ZNF317: variants seen among roughly 807,000 people sequenced by gnomAD.
The protein encoded by ZNF317 is KRAB-containing zinc finger protein 317.
ZNF317 carries 17 observed loss-of-function variants against 23.4 expected under a neutral mutation model. The ratio of observed to expected loss-of-function variants is 0.73; its 90% CI spans 0.50 to 1.09. ZNF317 has a LOEUF of 1.09. Among genes scored for constraint, ZNF317 ranks in the 50% least tolerant of loss-of-function variants. The pLI is 0.00. For missense variants in ZNF317, 679 were observed against 796.7 expected, an observed-to-expected ratio of 0.85 and a Z score of 1.78; for synonymous variants, 317 against 314.9, an observed-to-expected ratio of 1.01 and a Z score of -0.07.
rs1006089833 is a variant in ZNF317 at position 9,156,032 on chromosome 19, CCCA to C, written c.18_20del (p.Thr7del). 1.2e-6 allele frequency: 2 copies of C among 1,614,038 alleles called. No homozygotes were observed. Among genetic ancestry groups the C allele is most frequent in the African/African-American group, 2.7e-5 (2 of 74,914 alleles). On this transcript the variant is annotated inframe_deletion, in exon 2 of 7. Transcript: ENST00000247956. Reference sequence around the variant, plus strand: ...TTCTCTGAGGATGGCAGCTCTGTCCCCCACATTTGGTAAGTTCTTGGGTCAGTG... The same window carrying C: ...TTCTCTGAGGATGGCAGCTCTGTCCCCATTTGGTAAGTTCTTGGGTCAGTG...
At chr19:9,154,414 C>T (rs1382961378) in intron 1 of ZNF317, among the ~76,000 whole-genome samples, 2 of 148,712 alleles carry the variant, frequency 1.3e-5, no homozygotes, top group South Asian at 2.1e-4. Flanking sequence ...AAGAAACCCC[C>T]TTTTTTTTTT....
intron 1 of ZNF317, among the ~76,000 whole-genome samples, chr19:9,154,942 A>G (rs1445716327): frequency 6.6e-6 from 1 of 152,214 alleles, no homozygotes; most frequent in East Asian, 1.9e-4. Flanking sequence ...TGACTATGAT[A>G]TTCAACACCA....
intron 1 of ZNF317, among the ~76,000 whole-genome samples, chr19:9,147,100 T>C (rs1007501015): frequency 2.0e-5 from 3 of 152,100 alleles, no homozygotes; most frequent in Non-Finnish European, 4.4e-5. Flanking sequence ...CTTCCTTAAA[T>C]ACCACACTCT....
chr19:9,145,601 AT>A (rs1310392611), intron 1 of ZNF317, among the ~76,000 whole-genome samples: 1 of 152,088 alleles, frequency 6.6e-6, no homozygotes, highest in Non-Finnish European at 1.5e-5. Context: ...TGTGCTTAAG[AT>A]TTTATCTCTC....
Position 9,156,622 on chromosome 19 carries a change from C to T in ZNF317, c.36C>T (p.Thr12=). 6.2e-7 allele frequency: 1 copy of T among 1,613,956 alleles called. No individual in the cohort carries two copies. The highest frequency in any genetic ancestry group is 8.5e-7 in the Non-Finnish European group (1 of 1,179,910). The change falls in exon 3 of 7, where the codon ACC becomes ACT. Residue 12 remains threonine, a synonymous_variant. Coordinates refer to ENST00000247956, the MANE Select transcript of ZNF317 (RefSeq NM_020933.5). ...TGTTTTCTCCTCCAGCCACGTCCACCCAGGATTCCACCTGTCTCCAGGACT... is the reference window on the plus strand; with the variant it reads ...TGTTTTCTCCTCCAGCCACGTCCACTCAGGATTCCACCTGTCTCCAGGACT... ...AALSPTFATS[T]QDSTCLQDSE...
At chr19:9,147,862 T>G (rs953330159) in intron 1 of ZNF317, among the ~76,000 whole-genome samples, 18 of 152,084 alleles carry the variant, frequency 1.2e-4, no homozygotes, top group African/African-American at 4.3e-4. Flanking sequence ...CATATGGAAA[T>G]GTAATTCCCA....
At position 9,161,554 on chromosome 19, in the gene ZNF317, A is replaced by C; in HGVS notation, c.*121A>C. On this transcript the variant is annotated 3_prime_UTR_variant, in exon 7 of 7. Coordinates refer to ENST00000247956, the MANE Select transcript of ZNF317 (RefSeq NM_020933.5). This position sits in a 1 kb window ranked among gnomAD's most constrained non-coding sequence, Gnocchi z 4.0. ...AAAAGAATCCACGGAACTTGGGAGA[A>C]GTCCAGTTCCTGTAAAAACTGGGAA... The C allele has an allele frequency of 7.0e-7, 1 of 1,432,590 alleles. No homozygotes were observed. Among genetic ancestry groups the C allele is most frequent in the Non-Finnish European group, 9.4e-7 (1 of 1,068,870 alleles). 88.7% of individuals were successfully genotyped at this position (1,432,590 alleles called of 1,614,324 possible). A position where few individuals can be genotyped will look rare whatever the true frequency, so the allele number is the denominator to read the frequency against.
At position 9,163,030 on chromosome 19, in the gene ZNF317, C is replaced by G. The variant is rs1168417636; in HGVS notation, c.*1597C>G. The G allele has an allele frequency of 2.6e-5, 4 of 152,302 alleles. No homozygotes were observed. The highest frequency in any genetic ancestry group is 2.6e-4 in the Admixed American group (4 of 15,294). The allele number at this position is 152,302 out of a possible 1,614,324, so 9.4% of individuals were successfully genotyped here. A position where few individuals can be genotyped will look rare whatever the true frequency, so the allele number is the denominator to read the frequency against. On this transcript the variant is annotated 3_prime_UTR_variant, in exon 7 of 7. Transcript: ENST00000247956. The stretch of plus-strand genomic sequence containing the variant: ...TGTCAGATTAGTAAGGTGTGCTAAT[C>G]TAAATTTTAAAAAATCTCTTACAGG...
At chr19:9,140,640 AC>A (rs1387294697) in intron 1 of ZNF317, 48 bp downstream of exon 1, 1 of 451,884 alleles carries the variant, frequency 2.2e-6, no homozygotes, top group Admixed American at 2.4e-5. Context: ...TCCAGGGGTC[AC>A]GGGAGGCCTA....
rs993703150 is a variant in ZNF317, at chr19:9,160,935, G to T, written c.1290G>T (p.Gln430His). 2 of 1,614,030 alleles carry T rather than the reference G, an allele frequency of 1.2e-6. No individual in the cohort carries two copies. Among genetic ancestry groups the T allele is most frequent in the African/African-American group, 2.7e-5 (2 of 74,912 alleles). ...CRQCGKTFRN[Q>H]SILKTHMNSH... is the part of the protein sequence containing the mutation. ...AGTGCGGGAAGACCTTCCGAAACCA[G>T]TCCATCCTTAAGACTCACATGAACT... Residue 430 changes from glutamine to histidine, a missense_variant, in exon 7 of 7, where the codon CAG (glutamine) becomes CAT (histidine). Physicochemically the swap from Gln to His is conservative, Grantham distance 24. Transcript: ENST00000247956. This position sits in a 1 kb window ranked among gnomAD's most constrained non-coding sequence, Gnocchi z 6.8.
At position 9,156,015 on chromosome 19, in the gene ZNF317, G is replaced by A. The variant is rs751925916; in HGVS notation, c.-2G>A. ...AGGCAAACTGACTGCCATTCTCTGA[G>A]GATGGCAGCTCTGTCCCCCACATTT... On this transcript the variant is annotated 5_prime_UTR_variant, in exon 2 of 7. Coordinates refer to ENST00000247956, the MANE Select transcript of ZNF317 (RefSeq NM_020933.5). 3 of 1,614,074 alleles carry A rather than the reference G, an allele frequency of 1.9e-6. No homozygotes were observed. The highest frequency in any genetic ancestry group is 2.2e-5 in the East Asian group (1 of 44,882).
Position 9,156,933 on chromosome 19 carries a change from G to A in ZNF317, c.162+185G>A, listed in dbSNP as rs2050790155. 4 of 768,098 alleles carry A rather than the reference G, an allele frequency of 5.2e-6. No homozygotes were observed. The Admixed American group carries it at 8.9e-5, about 17-fold the overall frequency. The allele number at this position is 768,098 out of a possible 1,614,324, so 47.6% of individuals were successfully genotyped here. A position where few individuals can be genotyped will look rare whatever the true frequency, so the allele number is the denominator to read the frequency against. ...GAAGTTAGGGGAAGTGATTTATGTA[G>A]CATCTGTTTCCCTCATGCTTGCAAA... On this transcript the variant is annotated intron_variant, in intron 3 of 6. Transcript: ENST00000247956.
chr19:9,160,846 G>A lies in ZNF317; in HGVS notation c.1201G>A (p.Asp401Asn), dbSNP rs761191518. The change falls in exon 7 of 7, where the codon GAT (aspartate) becomes AAT (asparagine). Residue 401 changes from aspartate to asparagine, a missense_variant. Transcript: ENST00000247956. The surrounding 1 kb of genome is among the most constrained non-coding windows in gnomAD (Gnocchi z 6.8). ...ECKECGKSFG[D>N]LVSRRKHMRI... ...TAAAGAATGCGGGAAATCCTTTGGC[G>A]ATCTCGTGTCCCGGAGGAAACACAT... The A allele has an allele frequency of 1.9e-5, 30 of 1,614,056 alleles. No homozygotes were observed. Among genetic ancestry groups the A allele is most frequent in the Non-Finnish European group, 2.5e-5 (29 of 1,180,034 alleles).
intron 3 of ZNF317, 97 bp from the exon 4 acceptor site, chr19:9,157,171 G>A: frequency 6.7e-7 from 1 of 1,486,600 alleles, no homozygotes; most frequent in Non-Finnish European, 9.2e-7. Context: ...GAAATCCTGT[G>A]TTGGGTCTCT....
chr19:9,156,061 CGTGCCCTGAGAAAGTGA>C lies in ZNF317; in HGVS notation c.25+25_25+41del. On this transcript the variant is annotated intron_variant, in intron 2 of 6. Coordinates refer to ENST00000247956, the MANE Select transcript of ZNF317 (RefSeq NM_020933.5). ...CATTTGGTAAGTTCTTGGGTCAGTG[CGTGCCCTGAGAAAGTGA>C]GTGCAAGTGGCCCCTGCCACTTGAT... 6.2e-7 allele frequency: 1 copy of C among 1,613,992 alleles called. No homozygotes were observed. The highest frequency in any genetic ancestry group is 8.5e-7 in the Non-Finnish European group (1 of 1,179,970).
rs761815378 is a variant in ZNF317, at chr19:9,161,349, C to T, written c.1704C>T (p.Ser568=). ...GCCTTGTCTGCGGGAAAGCCTTCAG[C>T]GACCACTCATCCCTCAGGAGCCACG... ...YECLVCGKAF[S]DHSSLRSHVK... Residue 568 remains serine (S), a synonymous_variant, in exon 7 of 7, where the codon AGC becomes AGT. Coordinates refer to ENST00000247956, the MANE Select transcript of ZNF317 (RefSeq NM_020933.5). The surrounding 1 kb of genome is among the most constrained non-coding windows in gnomAD (Gnocchi z 4.0). 6.8e-6 allele frequency: 11 copies of T among 1,614,202 alleles called. No homozygotes were observed. The highest frequency in any genetic ancestry group is 1.1e-5 in the South Asian group (1 of 91,086).
chr19:9,161,000 G>C lies in ZNF317; in HGVS notation c.1355G>C (p.Gly452Ala). 6.2e-7 allele frequency: 1 copy of C among 1,614,222 alleles called. No individual in the cohort carries two copies. The stretch of plus-strand genomic sequence containing the variant: ...AAACCATACGGGTGCGATCTCTGCG[G>C]GAAAGCTTTCAGCGCGAGTTCAAAC... ...GEKPYGCDLC[G>A]KAFSASSNLT... Residue 452 changes from glycine to alanine, a missense_variant, in exon 7 of 7, where the codon GGG (glycine) becomes GCG (alanine). By Grantham distance (60) the Gly-to-Ala change is moderately conservative (BLOSUM62 0). Transcript: ENST00000247956. The surrounding 1 kb of genome is among the most constrained non-coding windows in gnomAD (Gnocchi z 6.8).
chr19:9,147,841 C>A (rs374896137), intron 1 of ZNF317, among the ~76,000 whole-genome samples: 2 of 152,158 alleles, frequency 1.3e-5, no homozygotes, highest in African/African-American at 4.8e-5. Context: ...CCCCTCCCCC[C>A]CTCCAAATCT....
At position 9,160,575 on chromosome 19, in the gene ZNF317, G is replaced by C. The variant is rs770416833; in HGVS notation, c.930G>C (p.Gln310His). 6.2e-7 allele frequency: 1 copy of C among 1,614,196 alleles called. No homozygotes were observed. The highest frequency in any genetic ancestry group is 8.5e-7 in the Non-Finnish European group (1 of 1,180,038). Residue 310 changes from glutamine (Q) to histidine (H), a missense_variant, in exon 7 of 7, where the codon CAG (glutamine) becomes CAC (histidine). Coordinates refer to ENST00000247956, the MANE Select transcript of ZNF317 (RefSeq NM_020933.5). The surrounding 1 kb of genome is among the most constrained non-coding windows in gnomAD (Gnocchi z 6.8). ...GCGAGAGGCCTTACAAGTGTGATCA[G>C]TGCGGGAAGGCTTACGGCCGGAGCT... is the stretch of plus-strand genomic sequence containing the variant. ...HTGERPYKCD[Q>H]CGKAYGRSCH...
Sources: gnomAD v4.1 joint callset for allele counts (sites outside exome capture counted in the v4.1 genomes callset) on GRCh38, gnomAD v4.1.1 for gene constraint, Gnocchi (gnomAD v3.1) non-coding constraint, MANE v1.5 for transcripts, NCBI Gene and HGNC (gene_info 2026-07-23, HGNC 2026-07-21) for gene names.